KANK1: variants seen among roughly 807,000 people sequenced by gnomAD.
The protein encoded by KANK1 is KN motif and ankyrin repeat domains 1.
Under a neutral mutation model 106.2 loss-of-function variants are expected in KANK1, and 109 were observed. The ratio of observed to expected loss-of-function variants is 1.03; its 90% CI spans 0.88 to 1.20. KANK1 has a LOEUF of 1.20. Ranked by LOEUF, KANK1 falls within the 50% of genes most tolerant of loss-of-function variation. The pLI is 0.00. For missense variants in KANK1, 2,399 were observed against 1,710.7 expected (o/e 1.40, Z -7.10); for synonymous variants, 873 against 652.2 (o/e 1.34, Z -5.16).
chr9:699,839 G>T (rs1041384572), intron 2 of KANK1, among the ~76,000 whole-genome samples: 1 of 152,126 alleles, frequency 6.6e-6, no homozygotes, highest in Non-Finnish European at 1.5e-5. Flanking sequence ...AAAATTAGCC[G>T]GGTTTGGTCA....
chr9:657,430 T>C (rs1023461710), intron 1 of KANK1, among the ~76,000 whole-genome samples: 3 of 152,166 alleles, frequency 2.0e-5, no homozygotes, highest in African/African-American at 4.8e-5. Flanking sequence ...CTATTTCTTA[T>C]TTTTTTGAGG....
chr9:727,171 TAAACATGG>T (rs1830903262), intron 3 of KANK1, among the ~76,000 whole-genome samples: 1 of 152,256 alleles, frequency 6.6e-6, no homozygotes, highest in Non-Finnish European at 1.5e-5. Context: ...TTTACTGTTT[TAAACATGG>T]AAACAATAGC....
chr9:683,575 A>T (rs1393481690), intron 2 of KANK1, among the ~76,000 whole-genome samples: 2 of 152,220 alleles, frequency 1.3e-5, no homozygotes, highest in African/African-American at 4.8e-5. Context: ...TGACATTTAA[A>T]ATCAGAAGTG....
At chr9:523,495 A>C (rs7853150) in intron 1 of KANK1, among the ~76,000 whole-genome samples, 3 of 151,570 alleles carry the variant, frequency 2.0e-5, no homozygotes, top group African/African-American at 7.3e-5. Context: ...CAAAAGTCAC[A>C]TTGTGGCACT....
At chr9:519,754 G>A (rs1254557526) in intron 1 of KANK1, among the ~76,000 whole-genome samples, 1 of 151,750 alleles carries the variant, frequency 6.6e-6, no homozygotes, top group East Asian at 1.9e-4. Flanking sequence ...ATGGTGAGCT[G>A]TTGAGCCTTG....
intron 1 of KANK1, among the ~76,000 whole-genome samples, chr9:651,766 A>G (rs1199260198): frequency 1.3e-5 from 2 of 152,354 alleles, no homozygotes; most frequent in African/African-American, 4.8e-5. Flanking sequence ...CTTGTGGATG[A>G]GAGAATTTCA....
intron 1 of KANK1, among the ~76,000 whole-genome samples, chr9:534,178 G>A (rs1258415132): frequency 6.6e-6 from 1 of 152,206 alleles, no homozygotes; most frequent in Non-Finnish European, 1.5e-5. Context: ...TTGTGGGAGT[G>A]TGAAGAATGA....
At chr9:494,165 G>A (rs572043453) in intron 3 of KANK1, among the ~76,000 whole-genome samples, 132 of 152,320 alleles carry the variant, frequency 8.7e-4, no homozygotes, top group Non-Finnish European at 1.3e-3. Context: ...ACAGGCATGA[G>A]CCACCGCACC....
At chr9:638,847 T>TG (rs1160331887) in intron 1 of KANK1, among the ~76,000 whole-genome samples, 9 of 152,206 alleles carry the variant, frequency 5.9e-5, no homozygotes, top group African/African-American at 2.2e-4. Flanking sequence ...AATTTGACTG[T>TG]GTTACTGCCA....
At chr9:515,385 T>C (rs1018021629) in intron 1 of KANK1, among the ~76,000 whole-genome samples, 1 of 151,430 alleles carries the variant, frequency 6.6e-6, no homozygotes, top group African/African-American at 2.4e-5. Context: ...AAAGAATTCA[T>C]CTAGAGACAT....
At chr9:723,692 A>G (rs1405896744) in intron 3 of KANK1, among the ~76,000 whole-genome samples, 1 of 152,166 alleles carries the variant, frequency 6.6e-6, no homozygotes, top group Non-Finnish European at 1.5e-5. Flanking sequence ...TTTAAGTTGT[A>G]TTTAAACAAA....
intron 3 of KANK1, among the ~76,000 whole-genome samples, chr9:483,537 T>A (rs1351528008): frequency 6.6e-6 from 1 of 152,210 alleles, no homozygotes; most frequent in African/African-American, 2.4e-5. Flanking sequence ...TTTTCTCATC[T>A]ATAAAATGGG....
chr9:694,012 T>C (rs1279597300), intron 2 of KANK1, among the ~76,000 whole-genome samples: 2 of 152,184 alleles, frequency 1.3e-5, no homozygotes, highest in Non-Finnish European at 2.9e-5. Context: ...GTTGTACATA[T>C]ATATATGCTA....
intron 1 of KANK1, among the ~76,000 whole-genome samples, chr9:566,655 C>T (rs931174995): frequency 6.6e-6 from 1 of 152,090 alleles, no homozygotes; most frequent in Admixed American, 6.5e-5. Context: ...GCATGTGTGT[C>T]TTCTTTTGAA....
At chr9:561,123 T>A (rs762837679) in intron 1 of KANK1, among the ~76,000 whole-genome samples, 1 of 152,194 alleles carries the variant, frequency 6.6e-6, no homozygotes, top group Non-Finnish European at 1.5e-5. Flanking sequence ...AACTATGCCC[T>A]ACCAGGAATA....
chr9:700,331 G>T (rs944607361), intron 2 of KANK1, among the ~76,000 whole-genome samples: 4 of 152,182 alleles, frequency 2.6e-5, no homozygotes, highest in African/African-American at 9.7e-5. Flanking sequence ...GATACAGGTA[G>T]CGAAGCTGCT....
Position 699,180 on chromosome 9 carries a change from T to C in KANK1, c.38-11624T>C, listed in dbSNP as rs545829034. Among the ~76,000 whole-genome samples the C allele has an allele frequency of 1.7e-4, 26 of 152,326 alleles. No individual in the cohort carries two copies. The South Asian group carries it at 4.8e-3, about 28-fold the overall frequency. On this transcript the variant is annotated intron_variant, in intron 2 of 11. Coordinates refer to ENST00000382297, the MANE Select transcript of KANK1 (RefSeq NM_015158.5). Reference sequence around the variant, plus strand: ...CCCGTAGCCTAGGCAGGGTCCCTGCTGTGTTCCAACATAACGCCTGCATTG... The same window carrying C: ...CCCGTAGCCTAGGCAGGGTCCCTGCCGTGTTCCAACATAACGCCTGCATTG...
intron 3 of KANK1, among the ~76,000 whole-genome samples, chr9:480,713 G>A (rs1385077018): frequency 6.6e-6 from 1 of 152,214 alleles, no homozygotes; most frequent in Non-Finnish European, 1.5e-5. Flanking sequence ...CCCTGCCTCT[G>A]AAAGCATAGG....
chr9:544,397 A>G (rs1377430736), intron 1 of KANK1, among the ~76,000 whole-genome samples: 1 of 152,140 alleles, frequency 6.6e-6, no homozygotes, highest in Non-Finnish European at 1.5e-5. Context: ...GTATTTTAAC[A>G]TCACTACCGC....
Sources: gnomAD v4.1 joint callset for allele counts (sites outside exome capture counted in the v4.1 genomes callset) on GRCh38, gnomAD v4.1.1 for gene constraint, MANE v1.5 for transcripts, NCBI Gene and HGNC (gene_info 2026-07-23, HGNC 2026-07-21) for gene names.